The following SPATA31D1 variants were observed in gnomAD, a reference collection of about 807,000 sequenced individuals.
The protein encoded by SPATA31D1 is spermatogenesis-associated protein 31D1.
Under a neutral mutation model 13.2 loss-of-function variants are expected in SPATA31D1, and 6 were observed. The observed-to-expected ratio is 0.46, with a 90% CI of 0.25 to 0.90. SPATA31D1 has a LOEUF of 0.90. SPATA31D1 is among the 40% of genes least tolerant of loss of function. SPATA31D1 has a pLI of 0.18. For synonymous variants in SPATA31D1, 903 were observed against 718.8 expected (o/e 1.26, Z -4.10); for missense variants, 2,445 against 1,884.7 (o/e 1.30, Z -5.50).
rs1824990579 is a variant in SPATA31D1, at chr9:81,992,370, G to A, written c.1900G>A (p.Glu634Lys). 6.2e-7 allele frequency: 1 copy of A among 1,613,690 alleles called. No individual in the cohort carries two copies. Among genetic ancestry groups the A allele is most frequent in the Admixed American group, 1.7e-5 (1 of 59,992 alleles). ...LEWNVLQKVQ[E>K]SLWGLPSVVQ... is the part of the protein sequence containing the mutation. The stretch of plus-strand genomic sequence containing the variant: ...GTGGAACGTGTTGCAGAAAGTGCAG[G>A]AAAGTTTGTGGGGCTTACCCTCTGT... The change falls in exon 4 of 4, where the codon GAA becomes AAA. Residue 634 changes from glutamate (E) to lysine (K), a missense_variant. Coordinates refer to ENST00000344803, the MANE Select transcript of SPATA31D1 (RefSeq NM_001001670.3).
In SPATA31D1 at chr9:81,991,737, G is replaced by A. The variant is rs773997905; in HGVS notation, c.1267G>A (p.Gly423Ser). Reference protein sequence around the residue: ...ALLERQVKKRGDFLMWKENGK... With the variant: ...ALLERQVKKRSDFLMWKENGK... Reference sequence around the variant, plus strand: ...CCTGGAGAGACAAGTCAAAAAAAGGGGTGATTTCCTGATGTGGAAAGAAAA... The same window carrying A: ...CCTGGAGAGACAAGTCAAAAAAAGGAGTGATTTCCTGATGTGGAAAGAAAA... Residue 423 changes from glycine (G) to serine (S), a missense_variant, in exon 4 of 4, where the codon GGT (glycine) becomes AGT (serine). Transcript: ENST00000344803. 2 of 1,613,748 alleles carry A rather than the reference G, an allele frequency of 1.2e-6. No individual in the cohort carries two copies. The highest frequency in any genetic ancestry group is 1.7e-6 in the Non-Finnish European group (2 of 1,179,764).
chr9:81,992,332 T>A lies in SPATA31D1; in HGVS notation c.1862T>A (p.Ile621Asn), dbSNP rs1225894818. ...NEARSLLPSE[I>N]NHLEWNVLQK... The stretch of plus-strand genomic sequence containing the variant: ...GCACGGTCTCTTTTGCCATCTGAAA[T>A]TAACCATCTGGAGTGGAACGTGTTG... The change falls in exon 4 of 4, where the codon ATT (isoleucine) becomes AAT (asparagine). Residue 621 changes from isoleucine to asparagine, a missense_variant. Transcript: ENST00000344803. 1.2e-6 allele frequency: 2 copies of A among 1,613,832 alleles called. No individual in the cohort carries two copies. The highest frequency in any genetic ancestry group is 2.7e-5 in the African/African-American group (2 of 75,052).
Position 81,993,143 on chromosome 9 carries a change from A to C in SPATA31D1, c.2673A>C (p.Glu891Asp), listed in dbSNP as rs543104488. The change falls in exon 4 of 4, where the codon GAA (glutamate) becomes GAC (aspartate). Residue 891 changes from glutamate (E) to aspartate (D), a missense_variant. By Grantham distance (45) the Glu-to-Asp change is conservative. Coordinates refer to ENST00000344803, the MANE Select transcript of SPATA31D1 (RefSeq NM_001001670.3). ...ACCACTGCGTTGATACTTCCCAGGA[A>C]ATTTCCTTCCTTAGTTCCAACAAAC... Reference protein sequence around the residue: ...SEDHCVDTSQEISFLSSNKQK... With the variant: ...SEDHCVDTSQDISFLSSNKQK... 1 of 1,613,948 alleles carries C rather than the reference A, an allele frequency of 6.2e-7. No homozygotes were observed. The highest frequency in any genetic ancestry group is 8.5e-7 in the Non-Finnish European group (1 of 1,179,876).
chr9:81,989,710 AT>A, intron 1 of SPATA31D1, 67 bp from the exon 2 acceptor site: 196 of 1,502,324 alleles, frequency 1.3e-4, no homozygotes, highest in African/African-American at 1.7e-4. Flanking sequence ...GAATGAATGA[AT>A]GAATGAGCTT....
chr9:81,989,387 C>A (rs1230623007), intron 1 of SPATA31D1, among the ~76,000 whole-genome samples: 1 of 152,134 alleles, frequency 6.6e-6, no homozygotes, highest in Non-Finnish European at 1.5e-5. Flanking sequence ...GTCACTTGAC[C>A]AAGTCTTCCT....
In SPATA31D1 at chr9:81,990,978, T is replaced by G; in HGVS notation, c.508T>G (p.Phe170Val). The change falls in exon 4 of 4, where the codon TTC becomes GTC. Residue 170 changes from phenylalanine (F) to valine (V), a missense_variant. Physicochemically the swap from Phe to Val is conservative, Grantham distance 50. Coordinates refer to ENST00000344803, the MANE Select transcript of SPATA31D1 (RefSeq NM_001001670.3). Reference protein sequence around the residue: ...ASSASATESSFTLASTPSATP... With the variant: ...ASSASATESSVTLASTPSATP... ...TTCGGCTTCTGCGACTGAGTCATCG[T>G]TCACTCTGGCTTCCACCCCCTCAGC... The G allele has an allele frequency of 6.2e-7, 1 of 1,613,790 alleles. No individual in the cohort carries two copies. The highest frequency in any genetic ancestry group is 8.5e-7 in the Non-Finnish European group (1 of 1,179,770).
chr9:81,991,487 T>C lies in SPATA31D1; in HGVS notation c.1017T>C (p.Ser339=), dbSNP rs1302945005. ...SLGGSGGSST[S]APTIKGIDHS... is the part of the protein sequence containing the mutation. ...GTGGCTCTGGTGGGTCATCCACCTC[T>C]GCCCCAACAATCAAAGGCATTGACC... is the stretch of plus-strand genomic sequence containing the variant. The change falls in exon 4 of 4, where the codon TCT becomes TCC. Residue 339 remains serine (S), a synonymous_variant. Coordinates refer to ENST00000344803, the MANE Select transcript of SPATA31D1 (RefSeq NM_001001670.3). 3.1e-6 allele frequency: 5 copies of C among 1,613,928 alleles called. No individual in the cohort carries two copies. The highest frequency in any genetic ancestry group is 4.2e-6 in the Non-Finnish European group (5 of 1,179,906).
At position 81,992,681 on chromosome 9, in the gene SPATA31D1, T is replaced by C. The variant is rs748647179; in HGVS notation, c.2211T>C (p.Val737=). 1.2e-6 allele frequency: 2 copies of C among 1,613,808 alleles called. No homozygotes were observed. Among genetic ancestry groups the C allele is most frequent in the Non-Finnish European group, 1.7e-6 (2 of 1,179,722 alleles). Residue 737 remains valine, a synonymous_variant, in exon 4 of 4, where the codon GTT becomes GTC. Transcript: ENST00000344803. ...RIHGPLNISL[V]EGQRCNVLKK... ...ATGGACCGTTAAATATCTCTTTGGTTGAGGGTCAGAGGTGCAATGTTCTAA... is the reference window on the plus strand; with the variant it reads ...ATGGACCGTTAAATATCTCTTTGGTCGAGGGTCAGAGGTGCAATGTTCTAA...
In SPATA31D1 at chr9:81,991,523, T is replaced by C; in HGVS notation, c.1053T>C (p.Leu351=). 1.2e-5 allele frequency: 19 copies of C among 1,614,020 alleles called. No individual in the cohort carries two copies. The highest frequency in any genetic ancestry group is 1.6e-5 in the Non-Finnish European group (19 of 1,179,898). ...PTIKGIDHSH[L]ASSEFTWWQP... is the part of the protein sequence containing the mutation. ...TCAAAGGCATTGACCATTCACACCTTGCATCTTCAGAATTCACCTGGTGGC... is the reference window on the plus strand; with the variant it reads ...TCAAAGGCATTGACCATTCACACCTCGCATCTTCAGAATTCACCTGGTGGC... The change falls in exon 4 of 4, where the codon CTT becomes CTC. Residue 351 remains leucine, a synonymous_variant. Coordinates refer to ENST00000344803, the MANE Select transcript of SPATA31D1 (RefSeq NM_001001670.3).
upstream of SPATA31D1, among the ~76,000 whole-genome samples, chr9:81,987,857 C>G (rs1369198500): frequency 6.6e-6 from 1 of 152,152 alleles, no homozygotes; most frequent in Non-Finnish European, 1.5e-5. Flanking sequence ...AAAAAACTGG[C>G]TAAAATGAAT....
rs1450822057 is a variant in SPATA31D1 at position 81,992,307 on chromosome 9, G to T, written c.1837G>T (p.Ala613Ser). Residue 613 changes from alanine to serine, a missense_variant, in exon 4 of 4, where the codon GCA becomes TCA. Coordinates refer to ENST00000344803, the MANE Select transcript of SPATA31D1 (RefSeq NM_001001670.3). ...GVCFHRPQNE[A>S]RSLLPSEINH... ...GTGTTTTCATAGACCCCAGAACGAG[G>T]CACGGTCTCTTTTGCCATCTGAAAT... 2 of 1,613,786 alleles carry T rather than the reference G, an allele frequency of 1.2e-6. No individual in the cohort carries two copies. The highest frequency in any genetic ancestry group is 1.7e-6 in the Non-Finnish European group (2 of 1,179,736).
At chr9:81,988,497 T>G (rs1015692708), upstream of SPATA31D1, among the ~76,000 whole-genome samples, 2 of 152,114 alleles carry the variant, frequency 1.3e-5, no homozygotes, top group Non-Finnish European at 2.9e-5. Flanking sequence ...AGTTAAGAGC[T>G]CCAAACAGTA....
At position 81,993,119 on chromosome 9, in the gene SPATA31D1, C is replaced by T. The variant is rs780740599; in HGVS notation, c.2649C>T (p.Asp883=). 1.1e-5 allele frequency: 18 copies of T among 1,613,840 alleles called. No individual in the cohort carries two copies. Among genetic ancestry groups the T allele is most frequent in the African/African-American group, 2.7e-5 (2 of 74,922 alleles). Residue 883 remains aspartate (D), a synonymous_variant, in exon 4 of 4, where the codon GAC becomes GAT. Coordinates refer to ENST00000344803, the MANE Select transcript of SPATA31D1 (RefSeq NM_001001670.3). ...HRNLVTLVSE[D]HCVDTSQEIS... is the part of the protein sequence containing the mutation. ...ATCTGGTAACATTGGTGAGTGAGGA[C>T]CACTGCGTTGATACTTCCCAGGAAA... is the stretch of plus-strand genomic sequence containing the variant.
rs1189548460 is a variant in SPATA31D1 at position 81,994,776 on chromosome 9, G to T, written c.4306G>T (p.Val1436Leu). ...TCPQEPLSFP[V>L]GLGKAQHNPE... The stretch of plus-strand genomic sequence containing the variant: ...TCCCCAAGAGCCCCTTTCCTTCCCA[G>T]TGGGGCTTGGGAAAGCTCAGCACAA... The change falls in exon 4 of 4, where the codon GTG becomes TTG. Residue 1436 changes from valine (V) to leucine (L), a missense_variant. Val to Leu is a conservative substitution (Grantham distance 32). Coordinates refer to ENST00000344803, the MANE Select transcript of SPATA31D1 (RefSeq NM_001001670.3). The T allele has an allele frequency of 1.2e-6, 2 of 1,613,866 alleles. No individual in the cohort carries two copies. Among genetic ancestry groups the T allele is most frequent in the Non-Finnish European group, 1.7e-6 (2 of 1,179,892 alleles).
rs376368008 is a variant in SPATA31D1 at position 81,993,280 on chromosome 9, C to G, written c.2810C>G (p.Thr937Ser). ...TTCAAATCGAAAGCGGACCTTTCCACTTCCTTTTCCCATTTCGACCTTCCC... is the reference window on the plus strand; with the variant it reads ...TTCAAATCGAAAGCGGACCTTTCCAGTTCCTTTTCCCATTTCGACCTTCCC... Reference protein sequence around the residue: ...EIFKSKADLSTSFSHFDLPSS... With the variant: ...EIFKSKADLSSSFSHFDLPSS... The change falls in exon 4 of 4, where the codon ACT becomes AGT. Residue 937 changes from threonine to serine, a missense_variant. Transcript: ENST00000344803. The G allele has an allele frequency of 6.2e-7, 1 of 1,613,898 alleles. No individual in the cohort carries two copies. Among genetic ancestry groups the G allele is most frequent in the South Asian group, 1.1e-5 (1 of 91,090 alleles).
At position 81,991,403 on chromosome 9, in the gene SPATA31D1, G is replaced by T; in HGVS notation, c.933G>T (p.Val311=). 6.2e-7 allele frequency: 1 copy of T among 1,614,008 alleles called. No homozygotes were observed. The highest frequency in any genetic ancestry group is 1.3e-5 in the African/African-American group (1 of 75,058). ...PSALPPEDCT[V]TQSKSSLTIL... ...CTTTACCACCGGAAGATTGCACTGT[G>T]ACTCAGTCTAAATCAAGTCTCACCA... The change falls in exon 4 of 4, where the codon GTG becomes GTT. Residue 311 remains valine (V), a synonymous_variant. Coordinates refer to ENST00000344803, the MANE Select transcript of SPATA31D1 (RefSeq NM_001001670.3).
Position 81,994,324 on chromosome 9 carries a change from C to T in SPATA31D1, c.3854C>T (p.Thr1285Met), listed in dbSNP as rs115598379. Residue 1285 changes from threonine (T) to methionine (M), a missense_variant, in exon 4 of 4, where the codon ACG becomes ATG. By Grantham distance (81) the Thr-to-Met change is moderately conservative. Transcript: ENST00000344803. Reference protein sequence around the residue: ...PTCVLQKCQVTNFPPAVNRVS... With the variant: ...PTCVLQKCQVMNFPPAVNRVS... ...TGTGTCTTACAGAAGTGTCAAGTTACGAATTTCCCACCAGCTGTAAACAGA... is the reference window on the plus strand; with the variant it reads ...TGTGTCTTACAGAAGTGTCAAGTTATGAATTTCCCACCAGCTGTAAACAGA... 3.0e-4 allele frequency: 482 copies of T among 1,613,932 alleles called. 1 individual carries two copies. The African/African-American group carries it at 5.3e-3, about 18-fold the overall frequency.
Position 81,991,558 on chromosome 9 carries a change from C to G in SPATA31D1, c.1088C>G (p.Ala363Gly). 2 of 1,614,004 alleles carry G rather than the reference C, an allele frequency of 1.2e-6. No individual in the cohort carries two copies. Among genetic ancestry groups the G allele is most frequent in the Non-Finnish European group, 1.7e-6 (2 of 1,179,886 alleles). Residue 363 changes from alanine to glycine, a missense_variant, in exon 4 of 4, where the codon GCC (alanine) becomes GGC (glycine). Ala to Gly is a moderately conservative substitution (Grantham distance 60). Coordinates refer to ENST00000344803, the MANE Select transcript of SPATA31D1 (RefSeq NM_001001670.3). ...SSEFTWWQPH[A>G]KDSFSSNFVP... The stretch of plus-strand genomic sequence containing the variant: ...GAATTCACCTGGTGGCAGCCTCATG[C>G]CAAGGACTCTTTTTCCTCTAATTTT...
chr9:81,990,638 C>T (rs541422548), intron 3 of SPATA31D1, 135 bp from the exon 4 acceptor site: 3 of 1,345,712 alleles, frequency 2.2e-6, no homozygotes, highest in Non-Finnish European at 3.0e-6. Context: ...TGGGGAGAGG[C>T]TATAGTGAGG....
Sources: allele counts gnomAD v4.1 joint callset (sites outside exome capture counted in the v4.1 genomes callset), GRCh38; gene constraint gnomAD v4.1.1; transcripts MANE v1.5; gene names NCBI Gene and HGNC (gene_info 2026-07-23, HGNC 2026-07-21).